The following UQCRH variants were observed in gnomAD, a reference collection of about 807,000 sequenced individuals.
The protein encoded by UQCRH is ubiquinol-cytochrome c reductase hinge protein.
A neutral mutation model predicts 16.3 loss-of-function variants in UQCRH; 14 were observed. The ratio of observed to expected loss-of-function variants is 0.86; its 90% confidence interval spans 0.57 to 1.34. The LOEUF is 1.34. Among genes scored for constraint, UQCRH ranks in the 40% most tolerant of loss-of-function variants. The pLI is 0.00. For synonymous variants in UQCRH, 41 were observed against 41.9 expected, an observed-to-expected ratio of 0.98 and a Z score of 0.08; for missense variants, 89 against 111.9, an observed-to-expected ratio of 0.80 and a Z score of 0.92.
intron 1 of UQCRH, among the ~76,000 whole-genome samples, chr1:46,308,003 G>C (rs892496612): frequency 6.6e-6 from 1 of 152,186 alleles, no homozygotes; most frequent in Non-Finnish European, 1.5e-5. Flanking sequence ...ATCAGAAAAT[G>C]TCTAATTACT....
intron 1 of UQCRH, among the ~76,000 whole-genome samples, chr1:46,306,283 T>C (rs1661371418): frequency 6.6e-6 from 1 of 152,250 alleles, no homozygotes; most frequent in African/African-American, 2.4e-5. Flanking sequence ...GCATTGCTAA[T>C]AGGGAAATGA....
Position 46,310,250 on chromosome 1 carries a change from T to C in UQCRH, c.177T>C (p.Ser59=). 1 of 1,614,214 alleles carries C rather than the reference T, an allele frequency of 6.2e-7. No homozygotes were observed. The highest frequency in any genetic ancestry group is 8.5e-7 in the Non-Finnish European group (1 of 1,180,042). Reference sequence around the variant, plus strand: ...AGCTCTGTGATGAGCGTGTATCCTCTCGATCACATACAGAAGAGGATTGCA... The same window carrying C: ...AGCTCTGTGATGAGCGTGTATCCTCCCGATCACATACAGAAGAGGATTGCA... ...RLELCDERVS[S]RSHTEEDCTE... The change falls in exon 3 of 4, where the codon TCT becomes TCC. Residue 59 remains serine (S), a synonymous_variant. Transcript: ENST00000311672.
chr1:46,304,287 A>G (rs1329575936), intron 1 of UQCRH, among the ~76,000 whole-genome samples: 1 of 152,008 alleles, frequency 6.6e-6, no homozygotes, highest in Non-Finnish European at 1.5e-5. Flanking sequence ...AGAATGTACG[A>G]TGTGATTCTG....
At chr1:46,307,158 C>T (rs1374403162) in intron 1 of UQCRH, among the ~76,000 whole-genome samples, 1 of 152,188 alleles carries the variant, frequency 6.6e-6, no homozygotes, top group African/African-American at 2.4e-5. Context: ...GATTCTCCTG[C>T]CTCAGCCTCC....
In UQCRH at chr1:46,309,089, T is replaced by C. The variant is rs199799215; in HGVS notation, c.55-12T>C. On this transcript the variant is annotated splice_polypyrimidine_tract_variant and intron_variant, in intron 1 of 3. Coordinates refer to ENST00000311672, the MANE Select transcript of UQCRH (RefSeq NM_006004.4). ...AATTGCTGCTGACATTAATTTTGTT[T>C]TCCTTTTGTAGGAGGAAGAGGAAGA... 876 of 1,613,672 alleles carry C rather than the reference T, an allele frequency of 5.4e-4. 2 individuals carry two copies. Among genetic ancestry groups the C allele is most frequent in the Admixed American group, 9.0e-4 (54 of 59,908 alleles).
intron 3 of UQCRH, among the ~76,000 whole-genome samples, chr1:46,315,410 G>A (rs1281306970): frequency 1.3e-5 from 2 of 151,626 alleles, no homozygotes; most frequent in Non-Finnish European, 2.9e-5. Context: ...TCCAGCCTGG[G>A]CAACAAGAGT....
chr1:46,310,425 A>C, intron 3 of UQCRH, 109 bp downstream of exon 3: 1 of 1,503,970 alleles, frequency 6.6e-7, no homozygotes. Flanking sequence ...TCTGGGCCCA[A>C]TATATGTGAC....
Position 46,310,153 on chromosome 1 carries a change from A to G in UQCRH, c.82-2A>G. On this transcript the variant is annotated splice_acceptor_variant, in intron 2 of 3. Transcript: ENST00000311672. LOFTEE classifies it high-confidence loss of function. ...TTTGTTTTTTTTCTGTTTCTACATC[A>G]GGATCCCCTAACAACAGTGAGAGAG... 6.2e-7 allele frequency: 1 copy of G among 1,614,198 alleles called. No homozygotes were observed. Among genetic ancestry groups the G allele is most frequent in the Non-Finnish European group, 8.5e-7 (1 of 1,180,036 alleles).
rs192300342 is a variant in UQCRH at position 46,307,373 on chromosome 1, T to C, written c.55-1728T>C. ...TTTTAATTTTTTTAGAGATGGGGTC[T>C]TGTCATGTTGCCCAGGCTGGTCTCA... On this transcript the variant is annotated intron_variant, in intron 1 of 3. Coordinates refer to ENST00000311672, the MANE Select transcript of UQCRH (RefSeq NM_006004.4). 1.3e-3 allele frequency among the ~76,000 whole-genome samples: 193 copies of C among 152,252 alleles called. 1 individual carries two copies. Among genetic ancestry groups the C allele is most frequent in the African/African-American group, 4.5e-3 (189 of 41,542 alleles).
chr1:46,312,345 T>G (rs1306581380), intron 3 of UQCRH, among the ~76,000 whole-genome samples: 2 of 152,016 alleles, frequency 1.3e-5, no homozygotes, highest in African/African-American at 4.8e-5. Flanking sequence ...CCTCCAGTGA[T>G]CCACCTGCCT....
intron 3 of UQCRH, among the ~76,000 whole-genome samples, chr1:46,311,391 AAC>A (rs774219929): frequency 2.7e-5 from 4 of 150,726 alleles, no homozygotes; most frequent in South Asian, 2.1e-4. Context: ...CATCTTGGCT[AAC>A]ACAGCGAAAC....
chr1:46,316,317 G>C (rs1469218541), intron 3 of UQCRH, among the ~76,000 whole-genome samples: 1 of 152,162 alleles, frequency 6.6e-6, no homozygotes, highest in East Asian at 1.9e-4. Context: ...TTTGTGTGTG[G>C]ATAGGGGCTT....
intron 3 of UQCRH, among the ~76,000 whole-genome samples, chr1:46,316,064 C>T (rs1661578206): frequency 1.3e-5 from 2 of 152,134 alleles, no homozygotes; most frequent in African/African-American, 4.8e-5. Context: ...AACCCCCCGC[C>T]CCGCCTCCCA....
intron 3 of UQCRH, among the ~76,000 whole-genome samples, chr1:46,311,440 G>T (rs1253939870): frequency 6.6e-6 from 1 of 150,960 alleles, no homozygotes; most frequent in African/African-American, 2.4e-5. Flanking sequence ...AGCCGGGCGT[G>T]GTGGCGGGCG....
chr1:46,314,562 A>G (rs557235480), intron 3 of UQCRH, among the ~76,000 whole-genome samples: 5 of 151,572 alleles, frequency 3.3e-5, no homozygotes, highest in African/African-American at 9.7e-5. Context: ...AATCCCAGCT[A>G]CTCGGGAGGC....
In UQCRH at chr1:46,303,783, A is replaced by T. The variant is rs1373425965; in HGVS notation, c.17A>T (p.Glu6Val). The change falls in exon 1 of 4, where the codon GAG (glutamate) becomes GTG (valine). Residue 6 changes from glutamate to valine, a missense_variant. By Grantham distance (121) the Glu-to-Val change is moderately radical (BLOSUM62 -2). Transcript: ENST00000311672. ...TAGCCAGACATGGGACTGGAGGACG[A>T]GCAAAAGATGCTTACCGAATCCGGA... MGLED[E>V]QKMLTESGDP... 1.2e-6 allele frequency: 2 copies of T among 1,614,214 alleles called. No individual in the cohort carries two copies. Among genetic ancestry groups the T allele is most frequent in the Non-Finnish European group, 8.5e-7 (1 of 1,180,032 alleles).
At chr1:46,309,806 G>A in intron 2 of UQCRH, 1 of 1,193,110 alleles carries the variant, frequency 8.4e-7, no homozygotes, top group Non-Finnish European at 1.1e-6. Context: ...TTTCAGACGT[G>A]TCATATTCCA....
At chr1:46,312,808 G>C (rs1431148538) in intron 3 of UQCRH, among the ~76,000 whole-genome samples, 3 of 152,018 alleles carry the variant, frequency 2.0e-5, no homozygotes, top group Non-Finnish European at 4.4e-5. Flanking sequence ...GTTTGATGTG[G>C]TTGCTTCTAT....
intron 3 of UQCRH, among the ~76,000 whole-genome samples, chr1:46,313,378 C>T (rs1426395076): frequency 6.6e-6 from 1 of 152,134 alleles, no homozygotes; most frequent in Admixed American, 6.6e-5. Flanking sequence ...CCTGTAATCC[C>T]AGCCCTTTGG....
Sources: allele counts gnomAD v4.1 joint callset (sites outside exome capture counted in the v4.1 genomes callset), GRCh38; gene constraint gnomAD v4.1.1; transcripts MANE v1.5; gene names NCBI Gene and HGNC (gene_info 2026-07-23, HGNC 2026-07-21).